USP6NL: variants seen among roughly 807,000 people sequenced by gnomAD.
USP6NL encodes the protein USP6 N-terminal like.
In USP6NL, 26 loss-of-function variants were observed where a neutral mutation model predicts 61.9. The observed-to-expected ratio is 0.42, with a 90% CI of 0.31 to 0.58. USP6NL has a LOEUF of 0.58. USP6NL is among the 20% of genes least tolerant of loss of function. The pLI is 0.16. For missense variants in USP6NL, 1,114 were observed against 1,034.3 expected, an observed-to-expected ratio of 1.08 and a Z score of -1.06; for synonymous variants, 432 against 390.1, an observed-to-expected ratio of 1.11 and a Z score of -1.27.
At chr10:11,567,631 G>A (rs746279786) in intron 2 of USP6NL, among the ~76,000 whole-genome samples, 4 of 152,206 alleles carry the variant, frequency 2.6e-5, no homozygotes, top group Non-Finnish European at 4.4e-5. Context: ...ACAGAGCTCT[G>A]TATTCTGTTC....
Position 11,528,055 on chromosome 10 carries a change from C to T in USP6NL, c.5-488G>A, listed in dbSNP as rs1286425292. On this transcript the variant is annotated intron_variant, in intron 2 of 14. Coordinates refer to ENST00000609104, the MANE Select transcript of USP6NL (RefSeq NM_014688.5). This position sits in a 1 kb window ranked among gnomAD's most constrained non-coding sequence, Gnocchi z 4.6. ...TAGTTCCCTTTATCAACAGCCTCAA[C>T]TGCTATAACAATCTCCTAACCGGTC... Among the ~76,000 whole-genome samples, 1 of 151,926 alleles carries T rather than the reference C, an allele frequency of 6.6e-6. No individual in the cohort carries two copies. The highest frequency in any genetic ancestry group is 1.5e-5 in the Non-Finnish European group (1 of 67,994).
rs1474256263 is a variant in USP6NL, at chr10:11,478,911, T to A, written c.1078+2859A>T. ...ACAGAGTGAGACCCTGTCTCATGTT[T>A]AAAAAGTGTAACTGGAAAAGCAGAG... On this transcript the variant is annotated intron_variant, in intron 14 of 14. Transcript: ENST00000609104. This position sits in a 1 kb window ranked among gnomAD's most constrained non-coding sequence, Gnocchi z 6.8. Among the ~76,000 whole-genome samples, 1 of 135,274 alleles carries A rather than the reference T, an allele frequency of 7.4e-6. No individual in the cohort carries two copies. The highest frequency in any genetic ancestry group is 1.7e-5 in the Non-Finnish European group (1 of 58,190). 88.7% of individuals were successfully genotyped at this position (135,274 alleles called of 152,430 possible).
At chr10:11,550,156 T>C (rs532423290) in intron 2 of USP6NL, among the ~76,000 whole-genome samples, 2 of 152,116 alleles carry the variant, frequency 1.3e-5, no homozygotes, top group Non-Finnish European at 2.9e-5. Flanking sequence ...CACGAACATA[T>C]ATGAAAGTGT....
chr10:11,568,179 G>A (rs145583900), intron 2 of USP6NL, among the ~76,000 whole-genome samples: 1,789 of 152,004 alleles, frequency 0.012, 35 homozygotes, highest in African/African-American at 0.037. Flanking sequence ...GTGTGTGCGC[G>A]CGCGCGTGCT....
chr10:11,462,329 A>G lies in USP6NL; in HGVS notation c.*112T>C. 8.2e-7 allele frequency: 1 copy of G among 1,217,180 alleles called. No homozygotes were observed. The highest frequency in any genetic ancestry group is 1.1e-6 in the Non-Finnish European group (1 of 891,778). 75.4% of individuals were successfully genotyped at this position (1,217,180 alleles called of 1,614,324 possible). A position where few individuals can be genotyped will look rare whatever the true frequency, so the allele number is the denominator to read the frequency against. On this transcript the variant is annotated 3_prime_UTR_variant, in exon 15 of 15. Coordinates refer to ENST00000609104, the MANE Select transcript of USP6NL (RefSeq NM_014688.5). ...TGTATTCTTACTACTAACAGACAGG[A>G]GAGATGTGCGAGTTGTTTACAATAG...
chr10:11,500,136 G>C (rs979155057), intron 7 of USP6NL, among the ~76,000 whole-genome samples: 23 of 152,140 alleles, frequency 1.5e-4, no homozygotes, highest in South Asian at 4.1e-4. Flanking sequence ...ACGGGCACAT[G>C]ATGAGGAACA....
chr10:11,594,435 T>A (rs1300540683), intron 2 of USP6NL, among the ~76,000 whole-genome samples: 1 of 152,206 alleles, frequency 6.6e-6, no homozygotes, highest in Non-Finnish European at 1.5e-5. Flanking sequence ...TAGAATGAAA[T>A]CTCATTAAGT....
chr10:11,548,238 C>T lies in USP6NL; in HGVS notation c.5-20671G>A, dbSNP rs1327387226. Among the ~76,000 whole-genome samples the T allele has an allele frequency of 6.6e-6, 1 of 152,194 alleles. No homozygotes were observed. Among genetic ancestry groups the T allele is most frequent in the Non-Finnish European group, 1.5e-5 (1 of 68,026 alleles). ...TCTAACACATGACATTTACTAAAGT[C>T]CCCTTTGAAATTTGATGCCCCAAAT... is the stretch of plus-strand genomic sequence containing the variant. On this transcript the variant is annotated intron_variant, in intron 2 of 14. Transcript: ENST00000609104. This position sits in a 1 kb window ranked among gnomAD's most constrained non-coding sequence, Gnocchi z 4.3.
In USP6NL at chr10:11,528,116, G is replaced by GACACAC; in HGVS notation, c.5-555_5-550dup. On this transcript the variant is annotated intron_variant, in intron 2 of 14. Coordinates refer to ENST00000609104, the MANE Select transcript of USP6NL (RefSeq NM_014688.5). This position sits in a 1 kb window ranked among gnomAD's most constrained non-coding sequence, Gnocchi z 4.6. ...CAGTTTTATCATACATATGTGTGTG[G>GACACAC]ACACACACACAGACACACACACACA... Among the ~76,000 whole-genome samples, 1 of 135,518 alleles carries GACACAC rather than the reference G, an allele frequency of 7.4e-6. No individual in the cohort carries two copies. The highest frequency in any genetic ancestry group is 1.7e-5 in the Non-Finnish European group (1 of 60,418). The allele number at this position is 135,518 out of a possible 152,430, so 88.9% of individuals were successfully genotyped here.
intron 2 of USP6NL, among the ~76,000 whole-genome samples, chr10:11,566,316 G>A (rs887635969): frequency 7.2e-5 from 11 of 152,140 alleles, no homozygotes; most frequent in Non-Finnish European, 1.0e-4. Flanking sequence ...AAAAGATACC[G>A]AAAGGACAAA....
At chr10:11,473,375 T>C (rs754081235) in intron 14 of USP6NL, among the ~76,000 whole-genome samples, 1 of 152,098 alleles carries the variant, frequency 6.6e-6, no homozygotes, top group Non-Finnish European at 1.5e-5. Flanking sequence ...CAAAAGCATG[T>C]GTAGTGGACG....
intron 5 of USP6NL, among the ~76,000 whole-genome samples, chr10:11,517,416 A>C (rs553476813): frequency 2.0e-5 from 3 of 152,258 alleles, no homozygotes; most frequent in Admixed American, 1.3e-4. Flanking sequence ...CTATGGCCCC[A>C]CCAAGCCACC....
At position 11,600,729 on chromosome 10, in the gene USP6NL, G is replaced by A. The variant is rs968313767; in HGVS notation, c.-83-3012C>T. Reference sequence around the variant, plus strand: ...TCACGCCTGTAATCCCAGCACTTTGGGAGGCCGAGGCGGGTGGATCACGAG... The same window carrying A: ...TCACGCCTGTAATCCCAGCACTTTGAGAGGCCGAGGCGGGTGGATCACGAG... On this transcript the variant is annotated intron_variant, in intron 1 of 14. Coordinates refer to ENST00000609104, the MANE Select transcript of USP6NL (RefSeq NM_014688.5). The surrounding 1 kb of genome is among the most constrained non-coding windows in gnomAD (Gnocchi z 4.1). 6.6e-6 allele frequency among the ~76,000 whole-genome samples: 1 copy of A among 152,166 alleles called. No individual in the cohort carries two copies. The highest frequency in any genetic ancestry group is 2.1e-4 in the South Asian group (1 of 4,828).
intron 4 of USP6NL, among the ~76,000 whole-genome samples, chr10:11,521,778 T>C (rs895678309): frequency 5.9e-5 from 9 of 152,254 alleles, no homozygotes; most frequent in African/African-American, 1.9e-4. Context: ...CTTTTATAAA[T>C]ATACACATTT....
At chr10:11,522,085 T>A (rs150591737) in intron 4 of USP6NL, among the ~76,000 whole-genome samples, 3 of 152,256 alleles carry the variant, frequency 2.0e-5, no homozygotes, top group African/African-American at 7.2e-5. Flanking sequence ...GTTGCTCATC[T>A]GGCAGAGCTC....
chr10:11,588,524 T>C (rs948814910), intron 2 of USP6NL, among the ~76,000 whole-genome samples: 4 of 152,182 alleles, frequency 2.6e-5, no homozygotes, highest in African/African-American at 7.2e-5. Flanking sequence ...AAATAAATAA[T>C]TGATCCCACT....
At position 11,463,384 on chromosome 10, in the gene USP6NL, A is replaced by G. The variant is rs772112978; in HGVS notation, c.1544T>C (p.Leu515Pro). 38 of 1,613,922 alleles carry G rather than the reference A, an allele frequency of 2.4e-5. No homozygotes were observed. Among genetic ancestry groups the G allele is most frequent in the Non-Finnish European group, 3.2e-5 (38 of 1,179,916 alleles). ...EGKGRAAHPA[L>P]AVTVPGPAEV... ...GGCAGGACCTGGGACGGTAACTGCG[A>G]GCGCGGGGTGCGCTGCTCGACCTTT... Residue 515 changes from leucine (L) to proline (P), a missense_variant, in exon 15 of 15, where the codon CTC becomes CCC. Physicochemically the swap from Leu to Pro is moderately conservative, Grantham distance 98. Coordinates refer to ENST00000609104, the MANE Select transcript of USP6NL (RefSeq NM_014688.5). The surrounding 1 kb of genome is among the most constrained non-coding windows in gnomAD (Gnocchi z 6.3).
At position 11,600,786 on chromosome 10, in the gene USP6NL, G is replaced by A. The variant is rs1235095834; in HGVS notation, c.-83-3069C>T. On this transcript the variant is annotated intron_variant, in intron 1 of 14. Coordinates refer to ENST00000609104, the MANE Select transcript of USP6NL (RefSeq NM_014688.5). The surrounding 1 kb of genome is among the most constrained non-coding windows in gnomAD (Gnocchi z 4.1). ...AGTTCAAGACCAGCCTGGCCAACAT[G>A]GTGAAACCCTGTCTCTACTAAAAAT... Among the ~76,000 whole-genome samples the A allele has an allele frequency of 7.2e-5, 11 of 152,076 alleles. No homozygotes were observed. The highest frequency in any genetic ancestry group is 7.2e-4 in the Admixed American group (11 of 15,270).
chr10:11,462,511 CCTGAAT>C lies in USP6NL; in HGVS notation c.2411_2416del (p.Tyr804_Gly806delinsTrp). 1 of 1,613,946 alleles carries C rather than the reference CCTGAAT, an allele frequency of 6.2e-7. No individual in the cohort carries two copies. Among genetic ancestry groups the C allele is most frequent in the Non-Finnish European group, 8.5e-7 (1 of 1,179,892 alleles). On this transcript the variant is annotated inframe_deletion, in exon 15 of 15. Transcript: ENST00000609104. ...GTAGTGGTAGGCTGGAGGCGGGGGCCCTGAATATGGATATCCAGATGGACTGGCATC... is the reference window on the plus strand; with the variant it reads ...GTAGTGGTAGGCTGGAGGCGGGGGCCATGGATATCCAGATGGACTGGCATC...
Sources: gnomAD v4.1 joint callset for allele counts (sites outside exome capture counted in the v4.1 genomes callset) on GRCh38, gnomAD v4.1.1 for gene constraint, Gnocchi (gnomAD v3.1) non-coding constraint, MANE v1.5 for transcripts, NCBI Gene and HGNC (gene_info 2026-07-23, HGNC 2026-07-21) for gene names.